Variants in PON3 observed in about 807,000 individuals in gnomAD.
PON3 encodes paraoxonase 3.
Under a neutral mutation model 36.3 loss-of-function variants are expected in PON3, and 37 were observed. That is an observed-to-expected ratio of 1.02 (90% CI 0.78 to 1.34). PON3 has a LOEUF of 1.34. Ranked by LOEUF, PON3 falls within the 40% of genes most tolerant of loss-of-function variation. PON3 has a pLI of 0.00. For missense variants in PON3, 415 were observed against 426.5 expected (o/e 0.97, Z 0.24); for synonymous variants, 155 against 154.8 (o/e 1.00, Z -0.01).
Position 95,379,367 on chromosome 7 carries a change from G to A in PON3, c.202-7029C>T, listed in dbSNP as rs188304173. On this transcript the variant is annotated intron_variant, in intron 3 of 8. Transcript: ENST00000265627. ...GTCAGACAGTGGGTGCAGGACAGTGGGTGCAGCGCACCGAGTGTGAGCCGA... is the reference window on the plus strand; with the variant it reads ...GTCAGACAGTGGGTGCAGGACAGTGAGTGCAGCGCACCGAGTGTGAGCCGA... Among the ~76,000 whole-genome samples the A allele has an allele frequency of 2.7e-3, 413 of 152,370 alleles. 2 individuals carry two copies. Among genetic ancestry groups the A allele is most frequent in the African/African-American group, 9.5e-3 (395 of 41,588 alleles).
intron 3 of PON3, among the ~76,000 whole-genome samples, chr7:95,379,631 T>C (rs1027107591): frequency 6.6e-6 from 1 of 152,176 alleles, no homozygotes; most frequent in Non-Finnish European, 1.5e-5. Flanking sequence ...GAGATCGAAC[T>C]GCAAGGGAGC....
chr7:95,366,125 A>G (rs907476360), intron 5 of PON3, among the ~76,000 whole-genome samples: 1 of 152,040 alleles, frequency 6.6e-6, no homozygotes, highest in African/African-American at 2.4e-5. Context: ...GCTTCCTGGG[A>G]TTGTACTCCC....
chr7:95,364,818 G>A (rs575176150), intron 5 of PON3: 60 of 151,502 alleles, frequency 4.0e-4, no homozygotes, highest in African/African-American at 1.3e-3. Flanking sequence ...TCTTTCTTAC[G>A]TTCTTCAATA....
chr7:95,381,979 G>C (rs151039013), intron 3 of PON3, among the ~76,000 whole-genome samples: 2,695 of 152,242 alleles, frequency 0.018, 70 homozygotes, highest in African/African-American at 0.061. Context: ...AAATGTAAAA[G>C]AACAGAAATT....
chr7:95,363,035 G>A (rs1288186778), intron 6 of PON3, among the ~76,000 whole-genome samples, 194 bp from the exon 7 acceptor site: 1 of 152,046 alleles, frequency 6.6e-6, no homozygotes, highest in Non-Finnish European at 1.5e-5. Context: ...CTTTGAATAT[G>A]AGTTATGACT....
intron 2 of PON3, among the ~76,000 whole-genome samples, chr7:95,392,895 C>T (rs1395502070): frequency 2.6e-5 from 4 of 152,170 alleles, no homozygotes; most frequent in African/African-American, 9.7e-5. Context: ...TGCTCCTCTC[C>T]CAGAATGCTG....
chr7:95,362,511 G>A (rs767740772), intron 7 of PON3, 21 bp from the exon 8 acceptor site: 1 of 1,613,224 alleles, frequency 6.2e-7, no homozygotes, highest in Middle Eastern at 1.7e-4. Flanking sequence ...AGAGGGAGTA[G>A]TGAAGACATT....
chr7:95,362,913 G>T, intron 6 of PON3, 72 bp from the exon 7 acceptor site: 1 of 1,171,240 alleles, frequency 8.5e-7, no homozygotes, highest in Non-Finnish European at 1.3e-6. Context: ...TTTTGGAGAA[G>T]AGGTATAAAA....
In PON3 at chr7:95,394,830, T is replaced by C. The variant is rs2116429478; in HGVS notation, c.75-116A>G. On this transcript the variant is annotated intron_variant, in intron 1 of 8. Coordinates refer to ENST00000265627, the MANE Select transcript of PON3 (RefSeq NM_000940.3). ...AACTATCTTTATCATAATTTATGAA[T>C]GACATAACAAGTAAGTAGGTACTTC... 4 of 838,210 alleles carry C rather than the reference T, an allele frequency of 4.8e-6. No homozygotes were observed. The South Asian group carries it at 5.5e-5, about 12-fold the overall frequency. The allele number at this position is 838,210 out of a possible 1,614,324, so 51.9% of individuals were successfully genotyped here.
chr7:95,360,007 G>T lies in PON3; in HGVS notation c.1031C>A (p.Thr344Asn). The change falls in exon 9 of 9, where the codon ACC becomes AAC. Residue 344 changes from threonine (T) to asparagine (N), a missense_variant. Physicochemically the swap from Thr to Asn is moderately conservative, Grantham distance 65. Transcript: ENST00000265627. ...ACAGTACAGAGTTTTGTGAAATACG[G>T]TGCCTATGAGAATTTTCCCATGGTA... Reference protein sequence around the residue: ...SVYHGKILIGTVFHKTLYCEL With the variant: ...SVYHGKILIGNVFHKTLYCEL The T allele has an allele frequency of 6.2e-7, 1 of 1,612,328 alleles. No homozygotes were observed. Among genetic ancestry groups the T allele is most frequent in the Non-Finnish European group, 8.5e-7 (1 of 1,179,648 alleles).
In PON3 at chr7:95,359,919, G is replaced by T. The variant is rs1808525087; in HGVS notation, c.*54C>A. The T allele has an allele frequency of 7.1e-6, 11 of 1,542,892 alleles. No homozygotes were observed. The highest frequency in any genetic ancestry group is 7.9e-6 in the Non-Finnish European group (9 of 1,134,984). On this transcript the variant is annotated 3_prime_UTR_variant, in exon 9 of 9. Transcript: ENST00000265627. ...AGTGCCACTTATCATACAATTATCA[G>T]TTTACTTTTACAAAATATGTAGACT...
chr7:95,380,569 A>G (rs1285892582), intron 3 of PON3, among the ~76,000 whole-genome samples: 1 of 152,256 alleles, frequency 6.6e-6, no homozygotes, highest in Non-Finnish European at 1.5e-5. Context: ...AAGCTTCAGT[A>G]GCCAATTCGA....
rs145880790 is a variant in PON3, at chr7:95,359,970, A to G, written c.*3T>C. ...TTTTTTTTTTTTTTTTACTATCTAG[A>G]GTCTAGAGCTCACAGTACAGAGTTT... On this transcript the variant is annotated 3_prime_UTR_variant, in exon 9 of 9. Transcript: ENST00000265627. 1.6e-4 allele frequency: 256 copies of G among 1,581,290 alleles called. No homozygotes were observed. Among genetic ancestry groups the G allele is most frequent in the Admixed American group, 1.3e-3 (78 of 59,112 alleles).
chr7:95,379,473 A>G (rs2116402493), intron 3 of PON3, among the ~76,000 whole-genome samples: 1 of 152,368 alleles, frequency 6.6e-6, no homozygotes, highest in South Asian at 2.1e-4. Context: ...GCTGTGACAG[A>G]CGGCACCTGG....
rs1809390709 is a variant in PON3, at chr7:95,394,689, C to T, written c.100G>A (p.Val34Met). Residue 34 changes from valine to methionine, a missense_variant, in exon 2 of 9, where the codon GTG becomes ATG. By Grantham distance (21) the Val-to-Met change is conservative. Coordinates refer to ENST00000265627, the MANE Select transcript of PON3 (RefSeq NM_000940.3). ...FRERVNASRE[V>M]EPVEPENCHL... is the part of the protein sequence containing the mutation. ...CAGTTTTCAGGTTCTACTGGCTCCA[C>T]TTCTCGAGAGGCATTCACCCTTTCT... The T allele has an allele frequency of 1.9e-6, 3 of 1,614,188 alleles. No individual in the cohort carries two copies. Among genetic ancestry groups the T allele is most frequent in the Non-Finnish European group, 2.5e-6 (3 of 1,180,026 alleles).
chr7:95,370,332 G>C (rs1378349831), intron 4 of PON3, among the ~76,000 whole-genome samples: 1 of 152,124 alleles, frequency 6.6e-6, no homozygotes, highest in Non-Finnish European at 1.5e-5. Flanking sequence ...AGTGAGGATG[G>C]GGAGAGATGG....
At chr7:95,369,422 A>G (rs549798490) in intron 4 of PON3, among the ~76,000 whole-genome samples, 3 of 152,340 alleles carry the variant, frequency 2.0e-5, no homozygotes, top group South Asian at 4.1e-4. Flanking sequence ...GGAACTTGCT[A>G]TAGAGCAAGA....
chr7:95,376,038 CAA>C (rs2116396531), intron 3 of PON3, among the ~76,000 whole-genome samples: 1 of 152,312 alleles, frequency 6.6e-6, no homozygotes, highest in East Asian at 1.9e-4. Flanking sequence ...ATACATGTTC[CAA>C]AGTCTTGAGT....
chr7:95,363,551 G>C, intron 6 of PON3: 1 of 394,806 alleles, frequency 2.5e-6, no homozygotes, highest in Non-Finnish European at 4.8e-6. Context: ...TTCATAAGGG[G>C]CAGGGGTATT....
Sources: allele counts gnomAD v4.1 joint callset (sites outside exome capture counted in the v4.1 genomes callset), GRCh38; gene constraint gnomAD v4.1.1; transcripts MANE v1.5; gene names NCBI Gene and HGNC (gene_info 2026-07-23, HGNC 2026-07-21).